The following UBAP1 variants were observed in gnomAD, a reference collection of about 807,000 sequenced individuals.
UBAP1 encodes ubiquitin associated protein 1.
UBAP1 carries 5 observed loss-of-function variants against 39.0 expected under a neutral mutation model. That is an observed-to-expected ratio of 0.13 (90% CI 0.07 to 0.27). The LOEUF is 0.27. Among genes scored for constraint, UBAP1 ranks in the 10% least tolerant of loss-of-function variants. The pLI, the probability that UBAP1 is intolerant of heterozygous loss-of-function variation, is 1.00. For missense variants in UBAP1, 490 were observed against 608.1 expected, an observed-to-expected ratio of 0.81 and a Z score of 2.04; for synonymous variants, 211 against 225.1, an observed-to-expected ratio of 0.94 and a Z score of 0.56.
chr9:34,185,867 C>T (rs1830381691), intron 1 of UBAP1, among the ~76,000 whole-genome samples: 1 of 152,084 alleles, frequency 6.6e-6, no homozygotes, highest in African/African-American at 2.4e-5. Flanking sequence ...AACAAACAAA[C>T]AAACACATTC....
chr9:34,233,326 A>T (rs1049264483), intron 2 of UBAP1, among the ~76,000 whole-genome samples: 1 of 150,470 alleles, frequency 6.6e-6, no homozygotes, highest in Non-Finnish European at 1.5e-5. Flanking sequence ...GGTTCAAGCG[A>T]TTCTCCTGCC....
At chr9:34,200,154 C>T (rs62556569) in intron 1 of UBAP1, among the ~76,000 whole-genome samples, 30,510 of 152,046 alleles carry the variant, frequency 0.2, 3,661 homozygotes, top group Non-Finnish European at 0.27. Flanking sequence ...TTAGACTGGG[C>T]TTGTGGATTT....
intron 4 of UBAP1, among the ~76,000 whole-genome samples, chr9:34,248,953 T>C (rs1350100653): frequency 2.0e-5 from 3 of 152,346 alleles, no homozygotes; most frequent in Admixed American, 1.3e-4. Context: ...GTGTGCTGTC[T>C]TCCTGCCTTG....
chr9:34,226,871 A>G (rs556234136), intron 2 of UBAP1, among the ~76,000 whole-genome samples: 26 of 152,174 alleles, frequency 1.7e-4, no homozygotes, highest in African/African-American at 6.3e-4. Flanking sequence ...CTGATAATGC[A>G]TTTTTCACTT....
chr9:34,181,968 A>C (rs1830063326), intron 1 of UBAP1, among the ~76,000 whole-genome samples: 1 of 148,814 alleles, frequency 6.7e-6, no homozygotes, highest in Non-Finnish European at 1.5e-5. Flanking sequence ...TTTTAATTAA[A>C]ATTTTTTTTT....
At chr9:34,181,636 G>A (rs1356520931) in intron 1 of UBAP1, among the ~76,000 whole-genome samples, 1 of 147,322 alleles carries the variant, frequency 6.8e-6, no homozygotes, top group Non-Finnish European at 1.5e-5. Context: ...GTTTCACTGG[G>A]TTAGCCAGGA....
intron 1 of UBAP1, among the ~76,000 whole-genome samples, chr9:34,204,248 C>CTGCA (rs779768685): frequency 7.2e-5 from 11 of 152,166 alleles, no homozygotes; most frequent in Non-Finnish European, 1.6e-4. Flanking sequence ...AATCTTGCTG[C>CTGCA]TGCACTCCAG....
At chr9:34,222,632 A>T (rs1832822355) in intron 2 of UBAP1, among the ~76,000 whole-genome samples, 1 of 152,030 alleles carries the variant, frequency 6.6e-6, no homozygotes, top group Non-Finnish European at 1.5e-5. Context: ...CTGTCTCTAC[A>T]AAAAAATTTT....
In UBAP1 at chr9:34,221,402, G is replaced by C. The variant is rs565336461; in HGVS notation, c.34+454G>C. 2.2e-3 allele frequency among the ~76,000 whole-genome samples: 337 copies of C among 151,988 alleles called. 1 individual carries two copies. Among genetic ancestry groups the C allele is most frequent in the Non-Finnish European group, 3.8e-3 (261 of 67,984 alleles). On this transcript the variant is annotated intron_variant, in intron 2 of 6. Transcript: ENST00000297661. ...AAATTAGCCGGGCGTGTTGGCGGGC[G>C]CCTGTAGTCCTAGCTACTCGGGAGG... is the stretch of plus-strand genomic sequence containing the variant.
intron 2 of UBAP1, chr9:34,224,457 G>GTA: frequency 2.6e-6 from 1 of 391,232 alleles, no homozygotes; most frequent in Non-Finnish European, 4.9e-6. Context: ...TGCAGCCTTA[G>GTA]GGCACGGTAT....
At chr9:34,227,298 T>TTTTATTTATTTATTTATTTA (rs539717231) in intron 2 of UBAP1, among the ~76,000 whole-genome samples, 3 of 152,074 alleles carry the variant, frequency 2.0e-5, no homozygotes, top group African/African-American at 7.2e-5. Flanking sequence ...GTTTTTTTTG[T>TTTTATTTATTTATTTATTTA]TTTATTTATT....
intron 2 of UBAP1, among the ~76,000 whole-genome samples, 192 bp from the exon 3 acceptor site, chr9:34,234,024 A>G (rs1476823006): frequency 6.6e-6 from 1 of 152,188 alleles, no homozygotes; most frequent in African/African-American, 2.4e-5. Flanking sequence ...TAAACTCCTA[A>G]TAAGACTGAA....
intron 1 of UBAP1, among the ~76,000 whole-genome samples, chr9:34,187,065 G>A (rs2131498644): frequency 6.6e-6 from 1 of 152,126 alleles, no homozygotes; most frequent in East Asian, 1.9e-4. Flanking sequence ...CTGCCACCAC[G>A]CCCAGCTAAT....
At chr9:34,222,626 C>T (rs1487477215) in intron 2 of UBAP1, among the ~76,000 whole-genome samples, 1 of 151,994 alleles carries the variant, frequency 6.6e-6, no homozygotes, top group Non-Finnish European at 1.5e-5. Context: ...GAGACGCTGT[C>T]TCTACAAAAA....
At chr9:34,243,994 C>T (rs1363529082) in intron 4 of UBAP1, among the ~76,000 whole-genome samples, 5 of 151,968 alleles carry the variant, frequency 3.3e-5, no homozygotes, top group South Asian at 2.1e-4. Flanking sequence ...GGATTACAGG[C>T]GCCTGCCACC....
intron 1 of UBAP1, among the ~76,000 whole-genome samples, chr9:34,208,786 A>C (rs982535488): frequency 6.7e-6 from 1 of 150,272 alleles, no homozygotes; most frequent in East Asian, 2.0e-4. Flanking sequence ...TCAAAAAAAA[A>C]AAAAAAAATT....
At chr9:34,243,792 T>G (rs1008745765) in intron 4 of UBAP1, among the ~76,000 whole-genome samples, 2 of 151,944 alleles carry the variant, frequency 1.3e-5, no homozygotes, top group Non-Finnish European at 2.9e-5. Flanking sequence ...GGCTGGCCAA[T>G]TAAATATTGA....
chr9:34,210,777 G>A lies in UBAP1; in HGVS notation c.-7-10131G>A, dbSNP rs1831977620. Among the ~76,000 whole-genome samples, 3 of 151,022 alleles carry A rather than the reference G, an allele frequency of 2.0e-5. No individual in the cohort carries two copies. In the South Asian group the frequency reaches 6.3e-4, roughly 32 times the overall value. ...TTTTCTATAGGTATACTAGTTTACT[G>A]GTAGAGTGGTTGGAAATGTTTTGCC... On this transcript the variant is annotated intron_variant, in intron 1 of 6. Transcript: ENST00000297661.
intron 1 of UBAP1, among the ~76,000 whole-genome samples, chr9:34,196,223 C>G (rs565761272): frequency 6.6e-6 from 1 of 151,484 alleles, no homozygotes; most frequent in Non-Finnish European, 1.5e-5. Flanking sequence ...ACTGCAGCCT[C>G]GACCTTTCGG....
Sources: allele counts gnomAD v4.1 joint callset (sites outside exome capture counted in the v4.1 genomes callset), GRCh38; gene constraint gnomAD v4.1.1; transcripts MANE v1.5; gene names NCBI Gene and HGNC (gene_info 2026-07-23, HGNC 2026-07-21).